TLL1: variants seen among roughly 807,000 people sequenced by gnomAD.
The protein encoded by TLL1 is tolloid-like protein 1.
TLL1 carries 49 observed loss-of-function variants against 128.2 expected under a neutral mutation model. The observed-to-expected ratio is 0.38, with a 90% CI of 0.30 to 0.48. TLL1 has a LOEUF of 0.48. Among genes scored for constraint, TLL1 ranks in the 20% least tolerant of loss-of-function variants. The pLI is 0.96. For synonymous variants in TLL1, 454 were observed against 418.8 expected, an observed-to-expected ratio of 1.08 and a Z score of -1.03; for missense variants, 1,123 against 1,242.0, an observed-to-expected ratio of 0.90 and a Z score of 1.44.
chr4:166,045,479 A>G (rs546671683), intron 12 of TLL1, among the ~76,000 whole-genome samples: 3 of 152,074 alleles, frequency 2.0e-5, no homozygotes, highest in Non-Finnish European at 2.9e-5. Flanking sequence ...ATGACTTTAC[A>G]CCACCACTGT....
chr4:165,886,397 G>A (rs1241035959), intron 1 of TLL1, among the ~76,000 whole-genome samples: 1 of 152,072 alleles, frequency 6.6e-6, no homozygotes, highest in African/African-American at 2.4e-5. Context: ...GCACTATTTT[G>A]TATATGATAT....
intron 2 of TLL1, 71 bp downstream of exon 2, chr4:165,989,562 T>C (rs1736540566): frequency 8.9e-7 from 1 of 1,118,692 alleles, no homozygotes; most frequent in Non-Finnish European, 1.4e-6. Context: ...CTATAAATAT[T>C]TTTGGATCAT....
chr4:165,947,090 T>C (rs1579524546), intron 1 of TLL1, among the ~76,000 whole-genome samples: 1 of 152,152 alleles, frequency 6.6e-6, no homozygotes, highest in South Asian at 2.1e-4. Flanking sequence ...TTCACAGTTC[T>C]GGAGGCTGGG....
intron 1 of TLL1, among the ~76,000 whole-genome samples, chr4:165,922,005 A>G (rs903601759): frequency 6.6e-6 from 1 of 152,170 alleles, no homozygotes. Context: ...TTGGGAGATG[A>G]GGAGAAGACT....
intron 1 of TLL1, among the ~76,000 whole-genome samples, chr4:165,981,442 T>A (rs955561407): frequency 6.6e-6 from 1 of 152,076 alleles, no homozygotes; most frequent in South Asian, 2.1e-4. Context: ...AAGCTTTGAG[T>A]CAAAGTATGA....
At chr4:166,006,725 G>A (rs563885272) in intron 6 of TLL1, among the ~76,000 whole-genome samples, 1 of 151,752 alleles carries the variant, frequency 6.6e-6, no homozygotes, top group South Asian at 2.1e-4. Flanking sequence ...TCATTATAAG[G>A]TCTGGTTAGT....
chr4:165,975,103 C>A (rs1318949781), intron 1 of TLL1, among the ~76,000 whole-genome samples: 1 of 152,166 alleles, frequency 6.6e-6, no homozygotes, highest in East Asian at 1.9e-4. Context: ...CCCTTATATA[C>A]CCTTCTAGAC....
chr4:166,012,540 AG>A (rs1737743614), intron 7 of TLL1, among the ~76,000 whole-genome samples: 1 of 151,696 alleles, frequency 6.6e-6, no homozygotes. Context: ...AAATAGAAAA[AG>A]AAAATGGTAA....
chr4:165,909,725 G>C (rs745508428), intron 1 of TLL1, among the ~76,000 whole-genome samples: 1 of 152,170 alleles, frequency 6.6e-6, no homozygotes, highest in Non-Finnish European at 1.5e-5. Context: ...TTCAAGAAAA[G>C]TCCATAATAA....
intron 15 of TLL1, 35 bp from the exon 16 acceptor site, chr4:166,065,648 C>G (rs752533735): frequency 5.0e-6 from 8 of 1,605,092 alleles, no homozygotes; most frequent in Non-Finnish European, 6.0e-6. Context: ...CTTGTACTCA[C>G]AAATCTGGCA....
chr4:165,978,214 G>C (rs895909346), intron 1 of TLL1, among the ~76,000 whole-genome samples: 8 of 151,880 alleles, frequency 5.3e-5, no homozygotes, highest in Non-Finnish European at 1.2e-4. Context: ...TTTTTTATTG[G>C]GGAGTTTTTT....
intron 1 of TLL1, among the ~76,000 whole-genome samples, chr4:165,893,963 C>G (rs574408320): frequency 2.6e-5 from 4 of 152,264 alleles, no homozygotes; most frequent in South Asian, 2.1e-4. Context: ...TCATTGTTGT[C>G]TTGCACCCAA....
At chr4:165,903,063 G>A (rs1732074256) in intron 1 of TLL1, among the ~76,000 whole-genome samples, 2 of 152,152 alleles carry the variant, frequency 1.3e-5, no homozygotes, top group African/African-American at 2.4e-5. Flanking sequence ...AATAGGCCGG[G>A]TGCGGTGGCT....
chr4:166,067,310 T>C (rs1014435813), intron 16 of TLL1, among the ~76,000 whole-genome samples: 2 of 151,884 alleles, frequency 1.3e-5, no homozygotes, highest in Non-Finnish European at 2.9e-5. Flanking sequence ...TTAAATTTAG[T>C]TACCCAGAAA....
At position 165,941,396 on chromosome 4, in the gene TLL1, GAAA is replaced by G. The variant is rs1352505295; in HGVS notation, c.170-47984_170-47982del. On this transcript the variant is annotated intron_variant, in intron 1 of 20. Transcript: ENST00000061240. ...GAGTCTAGAGTTAAGTGGAAGAGAA[GAAA>G]TCATTTGAAAGCATAGATAGCATGT... Among the ~76,000 whole-genome samples, 4 of 152,222 alleles carry G rather than the reference GAAA, an allele frequency of 2.6e-5. No individual in the cohort carries two copies. The East Asian group carries it at 7.7e-4, about 29-fold the overall frequency.
intron 1 of TLL1, among the ~76,000 whole-genome samples, chr4:165,882,148 A>G (rs1237998554): frequency 6.6e-6 from 1 of 152,162 alleles, no homozygotes; most frequent in East Asian, 1.9e-4. Context: ...CCTAAGGTCA[A>G]ATGCTTGAAA....
At chr4:166,020,322 CTATTCCATGTACTGTGACAACAG>C (rs371054886) in intron 8 of TLL1, among the ~76,000 whole-genome samples, 7,792 of 152,180 alleles carry the variant, frequency 0.051, 683 homozygotes, top group African/African-American at 0.18. Context: ...ACAATCTTTT[CTATTCCATGTACTGTGACAACAG>C]TATTCCATAT....
chr4:166,094,576 A>G (rs1741935207), intron 19 of TLL1, among the ~76,000 whole-genome samples: 2 of 152,308 alleles, frequency 1.3e-5, no homozygotes, highest in Non-Finnish European at 2.9e-5. Flanking sequence ...CATTTCAGAA[A>G]TGAGAAATTT....
intron 1 of TLL1, among the ~76,000 whole-genome samples, chr4:165,894,007 A>G (rs150877477): frequency 1.1e-3 from 167 of 152,324 alleles, no homozygotes; most frequent in African/African-American, 3.8e-3. Context: ...GAGTCAAAAA[A>G]TCCTGGAAAC....
Sources: allele counts gnomAD v4.1 joint callset (sites outside exome capture counted in the v4.1 genomes callset), GRCh38; gene constraint gnomAD v4.1.1; transcripts MANE v1.5; gene names NCBI Gene and HGNC (gene_info 2026-07-23, HGNC 2026-07-21).